The following TXLNB variants were observed in gnomAD, a reference collection of about 807,000 sequenced individuals.
TXLNB encodes taxilin beta, also known as beta-taxilin.
TXLNB carries 37 observed loss-of-function variants against 57.4 expected under a neutral mutation model. The ratio of observed to expected loss-of-function variants is 0.64; its 90% CI spans 0.50 to 0.85. The LOEUF is 0.85. TXLNB is among the 40% of genes least tolerant of loss of function. TXLNB has a pLI of 0.00. For synonymous variants in TXLNB, 302 were observed against 309.6 expected (o/e 0.98, Z 0.26); for missense variants, 848 against 825.6 (o/e 1.03, Z -0.33).
the TXLNB span, chr6:139,169,615 C>G: frequency 6.6e-6 from 1 of 152,176 alleles, no homozygotes; most frequent in Admixed American, 6.5e-5. Context: ...TGACTTCTCA[C>G]AATTCTGTGG....
intron 6 of TXLNB, among the ~76,000 whole-genome samples, chr6:139,259,251 G>T (rs1583003485): frequency 6.6e-6 from 1 of 152,166 alleles, no homozygotes; most frequent in African/African-American, 2.4e-5. Flanking sequence ...ATGCAGAGCA[G>T]ATCATGCCAT....
chr6:139,246,639 G>T (rs111364579), intron 8 of TXLNB, among the ~76,000 whole-genome samples: 12,808 of 152,106 alleles, frequency 0.084, 590 homozygotes, highest in Middle Eastern at 0.11. Flanking sequence ...TAGAGGCCAG[G>T]CATGGTGGCT....
chr6:139,294,883 G>C (rs927211578), upstream of TXLNB, among the ~76,000 whole-genome samples: 5 of 152,220 alleles, frequency 3.3e-5, no homozygotes, highest in Non-Finnish European at 7.4e-5. Context: ...CAGCTACTGG[G>C]GAGGCTGGGG....
the TXLNB span, among the ~76,000 whole-genome samples, chr6:139,312,320 C>T: frequency 6.6e-6 from 1 of 152,122 alleles, no homozygotes; most frequent in African/African-American, 2.4e-5. Context: ...TAATCTTAAG[C>T]TGTCTTAGGT....
At chr6:139,159,888 A>G in the TXLNB span, among the ~76,000 whole-genome samples, 2 of 152,174 alleles carry the variant, frequency 1.3e-5, no homozygotes, top group Non-Finnish European at 2.9e-5. Flanking sequence ...GGGGATAAAA[A>G]TATTTAACTC....
the TXLNB span, among the ~76,000 whole-genome samples, chr6:139,312,795 G>A: frequency 6.6e-6 from 1 of 152,122 alleles, no homozygotes. Context: ...ATCCATGTGA[G>A]GGTTTCTCCC....
At chr6:139,309,417 A>T in the TXLNB span, among the ~76,000 whole-genome samples, 1 of 152,188 alleles carries the variant, frequency 6.6e-6, no homozygotes, top group Admixed American at 6.5e-5. Flanking sequence ...TACACATCAC[A>T]GGCCTTTGTA....
At chr6:139,271,698 G>A (rs1196247917) in intron 3 of TXLNB, 1 of 152,030 alleles carries the variant, frequency 6.6e-6, no homozygotes, top group Non-Finnish European at 1.5e-5. Flanking sequence ...GGGAGTATGG[G>A]GATCAACCTC....
chr6:139,290,918 G>C (rs1777286232), intron 1 of TXLNB, among the ~76,000 whole-genome samples: 1 of 152,328 alleles, frequency 6.6e-6, no homozygotes, highest in East Asian at 1.9e-4. Flanking sequence ...ACACCAACAA[G>C]AACAGAAAAT....
At chr6:139,319,048 T>C in the TXLNB span, among the ~76,000 whole-genome samples, 1 of 150,780 alleles carries the variant, frequency 6.6e-6, no homozygotes, top group Non-Finnish European at 1.5e-5. Context: ...GTTCAAGAGA[T>C]TCTCCTGCCT....
In TXLNB at chr6:139,241,403, C is replaced by G. The variant is rs1226739078; in HGVS notation, c.*1123G>C. 6.6e-6 allele frequency: 1 copy of G among 152,158 alleles called. No homozygotes were observed. Among genetic ancestry groups the G allele is most frequent in the East Asian group, 1.9e-4 (1 of 5,196 alleles). 9.4% of individuals were successfully genotyped at this position (152,158 alleles called of 1,614,324 possible). A position where few individuals can be genotyped will look rare whatever the true frequency, so the allele number is the denominator to read the frequency against. On this transcript the variant is annotated 3_prime_UTR_variant, in exon 10 of 10. Coordinates refer to ENST00000358430, the MANE Select transcript of TXLNB (RefSeq NM_153235.4). The stretch of plus-strand genomic sequence containing the variant: ...GAAATTGGGAAGGAAGGAGCAGAAG[C>G]TTTTAGAATATAGAATGGGTCTGAC...
the TXLNB span, chr6:139,197,869 A>G: frequency 6.6e-6 from 1 of 152,226 alleles, no homozygotes; most frequent in African/African-American, 2.4e-5. Flanking sequence ...CTGGATTCTC[A>G]CTTGGCAGAA....
At chr6:139,228,874 A>C in the TXLNB span, among the ~76,000 whole-genome samples, 1 of 152,176 alleles carries the variant, frequency 6.6e-6, no homozygotes, top group Non-Finnish European at 1.5e-5. Flanking sequence ...ACCCAGTTGC[A>C]GTCCATAAGC....
the TXLNB span, among the ~76,000 whole-genome samples, chr6:139,200,856 G>C: frequency 1.3e-5 from 2 of 152,108 alleles, no homozygotes; most frequent in Non-Finnish European, 2.9e-5. Context: ...ACTTTGGGCT[G>C]CCTTCCTTGA....
the TXLNB span, among the ~76,000 whole-genome samples, chr6:139,223,964 A>C: frequency 6.7e-6 from 1 of 149,596 alleles, no homozygotes; most frequent in Admixed American, 6.7e-5. Flanking sequence ...CCAAAGGACT[A>C]TAAATCATGG....
intron 7 of TXLNB, among the ~76,000 whole-genome samples, chr6:139,249,079 G>T (rs1450238453): frequency 4.6e-5 from 7 of 152,352 alleles, no homozygotes; most frequent in East Asian, 1.9e-4. Flanking sequence ...GAGAAGCATT[G>T]TATGGGTTAG....
At chr6:139,305,395 G>C in the TXLNB span, among the ~76,000 whole-genome samples, 1 of 152,008 alleles carries the variant, frequency 6.6e-6, no homozygotes, top group Non-Finnish European at 1.5e-5. Flanking sequence ...AGATAGAAAG[G>C]CACCAGAAAA....
At chr6:139,266,662 A>G (rs1221978308) in intron 4 of TXLNB, among the ~76,000 whole-genome samples, 1 of 152,196 alleles carries the variant, frequency 6.6e-6, no homozygotes, top group African/African-American at 2.4e-5. Context: ...GAAGATGGAG[A>G]GAAAGTGGAG....
chr6:139,239,891 C>T (rs1775887879), downstream of TXLNB, among the ~76,000 whole-genome samples: 1 of 152,014 alleles, frequency 6.6e-6, no homozygotes, highest in Non-Finnish European at 1.5e-5. The surrounding 1 kb of genome is among the most constrained non-coding windows in gnomAD (Gnocchi z 4.7). Flanking sequence ...CACACCCCCG[C>T]CCCCAATATC....
Sources: allele counts gnomAD v4.1 joint callset (sites outside exome capture counted in the v4.1 genomes callset), GRCh38; gene constraint gnomAD v4.1.1; non-coding constraint Gnocchi (gnomAD v3.1); transcripts MANE v1.5; gene names NCBI Gene and HGNC (gene_info 2026-07-23, HGNC 2026-07-21).